Variants in AGBL1 observed in about 807,000 individuals in gnomAD.
AGBL1 encodes the protein AGBL carboxypeptidase 1, also known as cytosolic carboxypeptidase 4.
Under a neutral mutation model 118.9 loss-of-function variants are expected in AGBL1, and 130 were observed. That is an observed-to-expected ratio of 1.09 (90% CI 0.95 to 1.26). The LOEUF is 1.26. AGBL1 is among the 50% of genes most tolerant of loss of function. The pLI is 0.00. For synonymous variants in AGBL1, 555 were observed against 478.9 expected (o/e 1.16, Z -2.08); for missense variants, 1,584 against 1,298.1 (o/e 1.22, Z -3.38).
At chr15:86,483,380 C>T (rs1218074569) in intron 18 of AGBL1, among the ~76,000 whole-genome samples, 2 of 151,952 alleles carry the variant, frequency 1.3e-5, no homozygotes, top group East Asian at 1.9e-4. Flanking sequence ...TGGTTGATAT[C>T]GATGGTGGAG....
chr15:86,980,678 A>T (rs1198459537), intron 23 of AGBL1, among the ~76,000 whole-genome samples: 1 of 152,112 alleles, frequency 6.6e-6, no homozygotes, highest in Admixed American at 6.6e-5. Context: ...CACACACAAT[A>T]CAATATTGAC....
In AGBL1 at chr15:86,636,699, A is replaced by C. The variant is rs573704546; in HGVS notation, c.2995-37574A>C. On this transcript the variant is annotated intron_variant, in intron 21 of 22. Transcript: ENST00000614907. ...GCTTACAGCTTTGCATGGAACCACC[A>C]GTCATATATATATATATATATATAT... Among the ~76,000 whole-genome samples the C allele has an allele frequency of 5.4e-3, 483 of 90,214 alleles. 5 individuals are homozygous for C. The highest frequency in any genetic ancestry group is 8.6e-3 in the Non-Finnish European group (397 of 46,072). 59.2% of individuals were successfully genotyped at this position (90,214 alleles called of 152,430 possible). A position where few individuals can be genotyped will look rare whatever the true frequency, so the allele number is the denominator to read the frequency against.
intron 21 of AGBL1, among the ~76,000 whole-genome samples, chr15:86,603,430 C>T (rs1315013881): frequency 6.6e-6 from 1 of 152,010 alleles, no homozygotes; most frequent in Non-Finnish European, 1.5e-5. Context: ...TCCCCACACC[C>T]CCGCCCCCTA....
At chr15:86,340,759 C>G (rs751278652) in intron 17 of AGBL1, among the ~76,000 whole-genome samples, 1 of 152,148 alleles carries the variant, frequency 6.6e-6, no homozygotes, top group African/African-American at 2.4e-5. Context: ...GGGGATGCCA[C>G]GGTTACTGCC....
At chr15:86,840,206 T>G (rs1044683966) in intron 22 of AGBL1, among the ~76,000 whole-genome samples, 1 of 152,204 alleles carries the variant, frequency 6.6e-6, no homozygotes, top group African/African-American at 2.4e-5. Flanking sequence ...GAATTTTGGT[T>G]GTTGTTTTCT....
At chr15:86,115,579 C>A (rs1196705741) in intron 1 of AGBL1, among the ~76,000 whole-genome samples, 2 of 152,172 alleles carry the variant, frequency 1.3e-5, no homozygotes, top group Non-Finnish European at 2.9e-5. Flanking sequence ...TACTTACTCC[C>A]AGATACCGCT....
rs61365024 is a variant in AGBL1, at chr15:86,262,078, C to CTTTTTTTTTTTTTTTTTTTTTTTTTT, written c.970-684_970-683insTTTTTTTTTTTTTTTTTTTTTTTTTT. Among the ~76,000 whole-genome samples the CTTTTTTTTTTTTTTTTTTTTTTTTTT allele has an allele frequency of 3.2e-3, 170 of 52,756 alleles. 53 individuals are homozygous for CTTTTTTTTTTTTTTTTTTTTTTTTTT. Among genetic ancestry groups the CTTTTTTTTTTTTTTTTTTTTTTTTTT allele is most frequent in the East Asian group, 6.3e-3 (6 of 954 alleles). 34.6% of individuals were successfully genotyped at this position (52,756 alleles called of 152,430 possible). ...CACTGCTAGGCCTATGCATAGCTGG[C>CTTTTTTTTTTTTTTTTTTTTTTTTTT]TTTTTTTTTTTTTTTTGCCATTTAG... On this transcript the variant is annotated intron_variant, in intron 9 of 22. Transcript: ENST00000614907.
At chr15:86,995,748 AT>A (rs1447002013) in intron 24 of AGBL1, among the ~76,000 whole-genome samples, 3 of 152,020 alleles carry the variant, frequency 2.0e-5, no homozygotes, top group African/African-American at 7.3e-5. Context: ...CTGAATTTGA[AT>A]TTTCTGTGTT....
intron 1 of AGBL1, among the ~76,000 whole-genome samples, chr15:86,105,569 C>T (rs774730085): frequency 1.3e-5 from 2 of 152,088 alleles, no homozygotes; most frequent in African/African-American, 2.4e-5. Context: ...CAACCATCAG[C>T]TAAATGGTTG....
chr15:86,468,213 G>A lies in AGBL1; in HGVS notation c.2556-54597G>A, dbSNP rs117454081. ...TTCTCCTCCTCTCCGCAAGAAGAAAGCATTAGACAGGCATTCAAGTCCTTA... is the reference window on the plus strand; with the variant it reads ...TTCTCCTCCTCTCCGCAAGAAGAAAACATTAGACAGGCATTCAAGTCCTTA... On this transcript the variant is annotated intron_variant, in intron 18 of 22. Transcript: ENST00000614907. 4.3e-3 allele frequency among the ~76,000 whole-genome samples: 648 copies of A among 152,230 alleles called. 2 individuals are homozygous for A. The highest frequency in any genetic ancestry group is 6.4e-3 in the Non-Finnish European group (437 of 68,014).
At chr15:86,269,007 A>G (rs2079115445) in intron 13 of AGBL1, among the ~76,000 whole-genome samples, 1 of 152,230 alleles carries the variant, frequency 6.6e-6, no homozygotes, top group African/African-American at 2.4e-5. Context: ...TCAAAACTGC[A>G]TTGCTAGTTC....
intron 18 of AGBL1, among the ~76,000 whole-genome samples, chr15:86,502,109 T>A (rs113682112): frequency 0.032 from 4,857 of 151,662 alleles, 120 homozygotes; most frequent in African/African-American, 0.071. Flanking sequence ...GCTCTTTAAT[T>A]TCTTTCAATA....
chr15:86,129,332 ATC>A (rs2076789569), intron 1 of AGBL1, among the ~76,000 whole-genome samples: 1 of 152,150 alleles, frequency 6.6e-6, no homozygotes, highest in Admixed American at 6.6e-5. Flanking sequence ...ATTCAGAAAA[ATC>A]TAGTCCTGGC....
chr15:86,490,090 C>T (rs1276527492), intron 18 of AGBL1, among the ~76,000 whole-genome samples: 1 of 152,062 alleles, frequency 6.6e-6, no homozygotes, highest in African/African-American at 2.4e-5. Flanking sequence ...CTTCGGAGGG[C>T]CCATTTTCCC....
chr15:86,507,811 G>A (rs909616324), intron 18 of AGBL1, among the ~76,000 whole-genome samples: 1 of 152,052 alleles, frequency 6.6e-6, no homozygotes, highest in Non-Finnish European at 1.5e-5. Context: ...GTTATACTTG[G>A]TTTCTGTATA....
chr15:87,020,529 G>C (rs542320070), intron 24 of AGBL1, among the ~76,000 whole-genome samples: 1 of 151,942 alleles, frequency 6.6e-6, no homozygotes, highest in Non-Finnish European at 1.5e-5. Flanking sequence ...AAGAAATAAA[G>C]GGTATTTAAA....
chr15:87,017,850 C>G (rs1045415968), intron 24 of AGBL1, among the ~76,000 whole-genome samples: 3 of 152,064 alleles, frequency 2.0e-5, no homozygotes, highest in Non-Finnish European at 4.4e-5. Flanking sequence ...ATAAACTTTG[C>G]TGAGCTAAAG....
intron 22 of AGBL1, among the ~76,000 whole-genome samples, chr15:86,796,239 A>C (rs1221648381): frequency 2.0e-5 from 3 of 152,184 alleles, no homozygotes; most frequent in Admixed American, 6.5e-5. Flanking sequence ...GGAAAAGTGA[A>C]GAGATGAGTT....
intron 18 of AGBL1, among the ~76,000 whole-genome samples, chr15:86,432,311 T>C (rs950783912): frequency 3.9e-5 from 6 of 152,228 alleles, no homozygotes; most frequent in African/African-American, 1.4e-4. Flanking sequence ...ACATTACATT[T>C]GGTCCTCTCA....
Sources: allele counts gnomAD v4.1 joint callset (sites outside exome capture counted in the v4.1 genomes callset), GRCh38; gene constraint gnomAD v4.1.1; transcripts MANE v1.5; gene names NCBI Gene and HGNC (gene_info 2026-07-23, HGNC 2026-07-21).